The following ATP5F1A variants were observed in gnomAD, a reference collection of about 807,000 sequenced individuals.
ATP5F1A encodes ATP synthase F1 subunit alpha.
Under a neutral mutation model 57.4 loss-of-function variants are expected in ATP5F1A, and 24 were observed. The observed-to-expected ratio is 0.42, with a 90% CI of 0.30 to 0.59. The LOEUF (loss-of-function observed/expected upper bound fraction) is 0.59, where lower values mean the gene tolerates loss of function less well. ATP5F1A is among the 20% of genes least tolerant of loss of function. The probability of loss-of-function intolerance (pLI) is 0.19; values close to 1 mark genes in which losing one functional copy is unlikely to be tolerated. For synonymous variants in ATP5F1A, 251 were observed against 255.5 expected (o/e 0.98, Z 0.17); for missense variants, 494 against 707.9 (o/e 0.70, Z 3.43).
chr18:46,087,702 A>C, intron 6 of ATP5F1A: 1 of 550,626 alleles, frequency 1.8e-6, no homozygotes. Flanking sequence ...CAATATGAGG[A>C]AACTCCGTCT....
At chr18:46,098,497 A>G, upstream of ATP5F1A, 1 of 1,114,906 alleles carries the variant, frequency 9.0e-7, no homozygotes. Context: ...CATTCGTTAT[A>G]CATTTATTTT....
chr18:46,087,674 G>T, intron 6 of ATP5F1A, 182 bp from the exon 7 acceptor site: 1 of 643,130 alleles, frequency 1.6e-6, no homozygotes, highest in Non-Finnish European at 2.6e-6. Context: ...GAGGTCAGGA[G>T]TTCGAGACCA....
chr18:46,087,375 T>C lies in ATP5F1A; in HGVS notation c.917A>G (p.His306Arg). ...MGEYFRDNGK[H>R]ALIIYDDLSK... ...TAAGTCGTCATAGATGATCAAAGCA[T>C]GTTTGCCATTGTCTCTAAAATACTC... Residue 306 changes from histidine to arginine, a missense_variant, in exon 7 of 12, where the codon CAT becomes CGT. His to Arg is a conservative substitution (Grantham distance 29, BLOSUM62 0). Coordinates refer to ENST00000398752, the MANE Select transcript of ATP5F1A (RefSeq NM_004046.6). 1.2e-6 allele frequency: 2 copies of C among 1,614,186 alleles called. No individual in the cohort carries two copies. Among genetic ancestry groups the C allele is most frequent in the African/African-American group, 1.3e-5 (1 of 75,066 alleles).
At position 46,081,227 on chromosome 18, in the gene ATP5F1A, A is replaced by G. The variant is rs1041265053; in HGVS notation, c.*3055T>C. On this transcript the variant is annotated 3_prime_UTR_variant, in exon 12 of 12. Transcript: ENST00000398752. ...GGACAAACATGGTTGTCTTCATTTG[A>G]GAAGTTTATTGAGCATTTACGTGCC... is the stretch of plus-strand genomic sequence containing the variant. 1.3e-5 allele frequency: 2 copies of G among 151,502 alleles called. No homozygotes were observed. The highest frequency in any genetic ancestry group is 4.9e-5 in the African/African-American group (2 of 41,214). 9.4% of individuals were successfully genotyped at this position (151,502 alleles called of 1,614,324 possible).
In ATP5F1A at chr18:46,080,553, T is replaced by C. The variant is rs539805440; in HGVS notation, c.*3729A>G. The C allele has an allele frequency of 6.6e-5, 10 of 152,284 alleles. No individual in the cohort carries two copies. Among genetic ancestry groups the C allele is most frequent in the Admixed American group, 1.3e-4 (2 of 15,294 alleles). The allele number at this position is 152,284 out of a possible 1,614,324, so 9.4% of individuals were successfully genotyped here. A position where few individuals can be genotyped will look rare whatever the true frequency, so the allele number is the denominator to read the frequency against. On this transcript the variant is annotated 3_prime_UTR_variant, in exon 12 of 12. Coordinates refer to ENST00000398752, the MANE Select transcript of ATP5F1A (RefSeq NM_004046.6). ...CTGTAACAGAAAGGGCTGGACTCTA[T>C]AGCTCAGCAAAAACACCAGGGAAAG... is the stretch of plus-strand genomic sequence containing the variant.
At chr18:46,091,620 G>T in intron 3 of ATP5F1A, 62 bp downstream of exon 3, 5 of 1,443,672 alleles carry the variant, frequency 3.5e-6, no homozygotes, top group Non-Finnish European at 4.6e-6. Context: ...TCTTTGAATC[G>T]CTAAATGAAT....
upstream of ATP5F1A, chr18:46,099,204 C>T (rs1911189562): frequency 1.3e-5 from 2 of 152,198 alleles, no homozygotes; most frequent in African/African-American, 4.8e-5. Flanking sequence ...GACGAGGACT[C>T]GCTTTTTCCT....
chr18:46,089,482 C>A, intron 5 of ATP5F1A, 84 bp downstream of exon 5: 1 of 1,489,916 alleles, frequency 6.7e-7, no homozygotes, highest in South Asian at 1.2e-5. Flanking sequence ...GTCCCCATTA[C>A]CATTTACCAT....
Position 46,087,464 on chromosome 18 carries a change from C to T in ATP5F1A, c.828G>A (p.Ser276=), listed in dbSNP as rs758599519. 230 of 1,614,088 alleles carry T rather than the reference C, an allele frequency of 1.4e-4. 1 individual carries two copies. The highest frequency in any genetic ancestry group is 8.3e-4 in the Middle Eastern group (5 of 6,060). The part of the protein sequence containing the change: ...ADAMKYTIVV[S]ATASDAAPLQ... ...GTGGGGCAGCATCCGAGGCCGTAGCCGACACCACAATGGTGTACTTCATGG... is the reference window on the plus strand; with the variant it reads ...GTGGGGCAGCATCCGAGGCCGTAGCTGACACCACAATGGTGTACTTCATGG... Residue 276 remains serine, a synonymous_variant, in exon 7 of 12, where the codon TCG becomes TCA. Coordinates refer to ENST00000398752, the MANE Select transcript of ATP5F1A (RefSeq NM_004046.6).
upstream of ATP5F1A, chr18:46,098,362 A>AGGGGGGGGGGGGGGGGGG: frequency 4.7e-6 from 6 of 1,281,386 alleles, no homozygotes; most frequent in Non-Finnish European, 6.0e-6. Flanking sequence ...CCTCGCGTTC[A>AGGGGGGGGGGGGGGGGGG]CCACCTCTCC....
chr18:46,094,871 T>C, intron 2 of ATP5F1A, 182 bp downstream of exon 2: 1 of 949,648 alleles, frequency 1.1e-6, no homozygotes. Flanking sequence ...AGTAGTTCAT[T>C]TGACTATAAC....
intron 8 of ATP5F1A, 72 bp downstream of exon 8, chr18:46,086,936 C>CAT: frequency 6.8e-7 from 1 of 1,478,022 alleles, no homozygotes; most frequent in Non-Finnish European, 9.3e-7. Flanking sequence ...GTCAATATAC[C>CAT]ATTAGTCTCA....
intron 3 of ATP5F1A, 38 bp downstream of exon 3, chr18:46,091,644 T>C (rs760053301): frequency 5.9e-6 from 9 of 1,523,112 alleles, no homozygotes; most frequent in Non-Finnish European, 3.5e-6. Flanking sequence ...TGAGAAGACT[T>C]AGATCCTAAA....
At chr18:46,091,604 A>T in intron 3 of ATP5F1A, 78 bp downstream of exon 3, 1 of 1,409,742 alleles carries the variant, frequency 7.1e-7, no homozygotes, top group South Asian at 1.5e-5. Flanking sequence ...TAAAAATCTG[A>T]TACAATCTTT....
At chr18:46,085,155 C>G (rs1909986098) in intron 10 of ATP5F1A, 1 of 152,076 alleles carries the variant, frequency 6.6e-6, no homozygotes, top group Non-Finnish European at 1.5e-5. Flanking sequence ...GGCATGGTAA[C>G]TCACACCTGT....
Position 46,091,790 on chromosome 18 carries a change from A to C in ATP5F1A, c.201T>G (p.Asp67Glu). Residue 67 changes from aspartate (D) to glutamate (E), a missense_variant, in exon 3 of 12, where the codon GAT becomes GAG. Transcript: ENST00000398752. ...TTAAGACACGCCCAGTTTCTTCAAG[A>C]TCAACAGAGGTATCAGCTCCAAGAA... Reference protein sequence around the residue: ...ERILGADTSVDLEETGRVLSI... With the variant: ...ERILGADTSVELEETGRVLSI... The C allele has an allele frequency of 6.2e-7, 1 of 1,613,992 alleles. No individual in the cohort carries two copies. Among genetic ancestry groups the C allele is most frequent in the Admixed American group, 1.7e-5 (1 of 59,954 alleles).
chr18:46,096,536 T>G (rs1314781897), intron 1 of ATP5F1A, among the ~76,000 whole-genome samples: 1 of 144,918 alleles, frequency 6.9e-6, no homozygotes. Context: ...TAACAAAATG[T>G]AAGTGTCTTT....
At chr18:46,100,677 G>A (rs1660523460), upstream of ATP5F1A, among the ~76,000 whole-genome samples, 2 of 152,216 alleles carry the variant, frequency 1.3e-5, no homozygotes, top group Admixed American at 1.3e-4. Flanking sequence ...TCACTAGTAA[G>A]GTTTTGGGGA....
At chr18:46,097,783 T>C (rs1232763824) in intron 1 of ATP5F1A, 3 of 1,035,456 alleles carry the variant, frequency 2.9e-6, no homozygotes, top group Non-Finnish European at 3.5e-6. Flanking sequence ...TGACAGCAGT[T>C]TTCTGACCTT....
Sources: allele counts gnomAD v4.1 joint callset (sites outside exome capture counted in the v4.1 genomes callset), GRCh38; gene constraint gnomAD v4.1.1; transcripts MANE v1.5; gene names NCBI Gene and HGNC (gene_info 2026-07-23, HGNC 2026-07-21).